Variants in NAALADL2 observed in about 807,000 individuals in gnomAD.
NAALADL2 encodes the protein N-acetylated alpha-linked acidic dipeptidase like 2.
NAALADL2 carries 76 observed loss-of-function variants against 87.2 expected under a neutral mutation model. The observed-to-expected ratio is 0.87, with a 90% CI of 0.72 to 1.05. The LOEUF (loss-of-function observed/expected upper bound fraction) is 1.05, where lower values mean the gene tolerates loss of function less well. Ranked by LOEUF, NAALADL2 falls within the 50% of genes least tolerant of loss-of-function variation. The pLI is 0.00. For synonymous variants in NAALADL2, 354 were observed against 331.0 expected, an observed-to-expected ratio of 1.07 and a Z score of -0.75; for missense variants, 1,089 against 945.8, an observed-to-expected ratio of 1.15 and a Z score of -1.99.
At chr3:174,492,170 T>C (rs532465223) in intron 1 of NAALADL2, among the ~76,000 whole-genome samples, 68 of 151,630 alleles carry the variant, frequency 4.5e-4, no homozygotes, top group African/African-American at 1.4e-3. Flanking sequence ...CTTGGGAGGC[T>C]GAGGCAGGAG....
At chr3:175,465,239 G>C (rs1370282283) in intron 7 of NAALADL2, among the ~76,000 whole-genome samples, 1 of 138,434 alleles carries the variant, frequency 7.2e-6, no homozygotes, top group East Asian at 2.1e-4. Flanking sequence ...GCGACAGAGC[G>C]AGACTCTATC....
chr3:174,907,178 A>G (rs1733081873), intron 1 of NAALADL2, among the ~76,000 whole-genome samples: 1 of 152,132 alleles, frequency 6.6e-6, no homozygotes, highest in Non-Finnish European at 1.5e-5. Flanking sequence ...GATCAAAATC[A>G]TTGCATCACA....
intron 2 of NAALADL2, among the ~76,000 whole-genome samples, chr3:174,626,450 T>C (rs1721586377): frequency 6.6e-6 from 1 of 152,018 alleles, no homozygotes; most frequent in Admixed American, 6.5e-5. Flanking sequence ...ATGCCTTTGC[T>C]TAATTTTTTA....
At chr3:175,530,485 T>C (rs1256864801) in intron 9 of NAALADL2, among the ~76,000 whole-genome samples, 1 of 152,170 alleles carries the variant, frequency 6.6e-6, no homozygotes, top group Non-Finnish European at 1.5e-5. Context: ...CTGGGAAGAT[T>C]TCCCTTCATT....
Position 175,627,285 on chromosome 3 carries a change from C to T in NAALADL2, c.1801-6C>T. 6.5e-7 allele frequency: 1 copy of T among 1,549,476 alleles called. No homozygotes were observed. The highest frequency in any genetic ancestry group is 8.7e-7 in the Non-Finnish European group (1 of 1,145,062). On this transcript the variant is annotated splice_polypyrimidine_tract_variant and splice_region_variant and intron_variant, in intron 10 of 13. Coordinates refer to ENST00000454872, the MANE Select transcript of NAALADL2 (RefSeq NM_207015.3). ...TTTTAAATGTTTCTTTTTTGATTTG[C>T]CGCAGGGTCCAAGTTTTCTCTCCGA...
intron 1 of NAALADL2, among the ~76,000 whole-genome samples, chr3:174,933,641 C>T (rs1435419128): frequency 6.6e-6 from 1 of 152,132 alleles, no homozygotes. Context: ...AGTTAAAATT[C>T]TAAGCCTATT....
At chr3:174,717,896 C>T (rs967397204) in intron 2 of NAALADL2, among the ~76,000 whole-genome samples, 2 of 152,036 alleles carry the variant, frequency 1.3e-5, no homozygotes, top group African/African-American at 2.4e-5. Context: ...GAGGCTGAGG[C>T]GGGCAGATCA....
chr3:175,541,611 T>G (rs1712345436), intron 9 of NAALADL2, among the ~76,000 whole-genome samples: 1 of 152,206 alleles, frequency 6.6e-6, no homozygotes, highest in Non-Finnish European at 1.5e-5. Context: ...AGTTGAACTA[T>G]CTTAAGTCCA....
At chr3:175,261,571 G>C (rs768747529) in intron 4 of NAALADL2, among the ~76,000 whole-genome samples, 2 of 151,844 alleles carry the variant, frequency 1.3e-5, no homozygotes, top group Non-Finnish European at 2.9e-5. Flanking sequence ...AAACTCTATT[G>C]CTTTTTTTTA....
chr3:174,793,259 T>A (rs1294828333), intron 3 of NAALADL2, among the ~76,000 whole-genome samples: 1 of 152,148 alleles, frequency 6.6e-6, no homozygotes, highest in African/African-American at 2.4e-5. Flanking sequence ...TACTCTCTAT[T>A]GGGGTTCATA....
At chr3:174,676,419 T>A (rs1291154644) in intron 2 of NAALADL2, among the ~76,000 whole-genome samples, 1 of 44,554 alleles carries the variant, frequency 2.2e-5, no homozygotes, top group East Asian at 3.1e-4. Context: ...CTTTATATTA[T>A]TAGGTCATAT....
chr3:174,654,104 G>A (rs536996310), intron 2 of NAALADL2, among the ~76,000 whole-genome samples: 6 of 148,886 alleles, frequency 4.0e-5, no homozygotes, highest in African/African-American at 1.5e-4. Flanking sequence ...GTGTGTGTTA[G>A]AAATGTGGTT....
At chr3:174,912,108 A>G (rs1733782256) in intron 1 of NAALADL2, among the ~76,000 whole-genome samples, 1 of 152,002 alleles carries the variant, frequency 6.6e-6, no homozygotes, top group Non-Finnish European at 1.5e-5. Context: ...CTCTCTGACA[A>G]TTTCTTTATA....
intron 2 of NAALADL2, among the ~76,000 whole-genome samples, chr3:174,713,763 TGATGGTA>T (rs1560166240): frequency 6.6e-6 from 1 of 151,930 alleles, no homozygotes; most frequent in Non-Finnish European, 1.5e-5. Flanking sequence ...CTGTTCACTC[TGATGGTA>T]GTTTCTTCTG....
chr3:175,557,059 A>G (rs1368718475), intron 9 of NAALADL2, among the ~76,000 whole-genome samples: 1 of 152,226 alleles, frequency 6.6e-6, no homozygotes, highest in African/African-American at 2.4e-5. Flanking sequence ...TAAATATGTA[A>G]TAAGTGTGTA....
intron 5 of NAALADL2, among the ~76,000 whole-genome samples, chr3:175,330,461 A>G (rs550527059): frequency 2.0e-5 from 3 of 152,162 alleles, no homozygotes; most frequent in Admixed American, 2.0e-4. Flanking sequence ...AAAAATTGAA[A>G]TCATATCAAA....
In NAALADL2 at chr3:175,551,005, G is replaced by C. The variant is rs142649486; in HGVS notation, c.1654-25036G>C. On this transcript the variant is annotated intron_variant, in intron 9 of 13. Coordinates refer to ENST00000454872, the MANE Select transcript of NAALADL2 (RefSeq NM_207015.3). The stretch of plus-strand genomic sequence containing the variant: ...TGTGGTAGAGTTGGGCATAATTATG[G>C]AATTTGTCTGAAAAGCATTTTTTAT... 2.9e-3 allele frequency among the ~76,000 whole-genome samples: 438 copies of C among 152,234 alleles called. 3 individuals carry two copies. Among genetic ancestry groups the C allele is most frequent in the Middle Eastern group, 0.01 (3 of 294 alleles).
chr3:175,553,651 TA>T (rs5854639), intron 9 of NAALADL2, among the ~76,000 whole-genome samples: 111,302 of 148,490 alleles, frequency 0.75, 41,791 homozygotes, highest in East Asian at 0.9. Context: ...GGAGAAATAT[TA>T]AAAAAAAAAA....
rs199930752 is a variant in NAALADL2, at chr3:174,667,943, A to AT, written c.-114-69690dup. ...ACTTTTACTTTTTTGAGAAATCTTT[A>AT]TTTTTTTTATGATAGCAGCTGCACC... On this transcript the variant is annotated intron_variant, in intron 2 of 3. Coordinates refer to the NAALADL2 transcript ENST00000434257. 6.7e-3 allele frequency among the ~76,000 whole-genome samples: 1,024 copies of AT among 151,926 alleles called. 15 individuals carry two copies. The highest frequency in any genetic ancestry group is 0.023 in the African/African-American group (972 of 41,456).
Sources: allele counts gnomAD v4.1 joint callset (sites outside exome capture counted in the v4.1 genomes callset), GRCh38; gene constraint gnomAD v4.1.1; transcripts MANE v1.5; gene names NCBI Gene and HGNC (gene_info 2026-07-23, HGNC 2026-07-21).